ABCE1: variants seen among roughly 807,000 people sequenced by gnomAD.
ABCE1 encodes the protein ATP-binding cassette sub-family E member 1.
A neutral mutation model predicts 83.4 loss-of-function variants in ABCE1; 22 were observed. The ratio of observed to expected loss-of-function variants is 0.26; its 90% CI spans 0.19 to 0.38. ABCE1 has a LOEUF of 0.38. ABCE1 is among the 10% of genes least tolerant of loss of function. ABCE1 has a pLI of 1.00. For missense variants in ABCE1, 330 were observed against 721.9 expected, an observed-to-expected ratio of 0.46 and a Z score of 6.22; for synonymous variants, 204 against 233.7, an observed-to-expected ratio of 0.87 and a Z score of 1.16.
At chr4:145,112,209 A>G (rs373532166) in intron 8 of ABCE1, 30 bp from the exon 9 acceptor site, 10 of 1,400,978 alleles carry the variant, frequency 7.1e-6, no homozygotes, top group African/African-American at 1.6e-5. Flanking sequence ...TTTCAAACTT[A>G]TATTTGCTTT....
chr4:145,112,116 A>C (rs1473250587), intron 8 of ABCE1, 123 bp from the exon 9 acceptor site: 2 of 636,206 alleles, frequency 3.1e-6, no homozygotes, highest in African/African-American at 3.7e-5. Flanking sequence ...CTTCATTACT[A>C]TTGGAGATTT....
intron 1 of ABCE1, 139 bp from the exon 2 acceptor site, chr4:145,104,246 AT>A (rs1352919470): frequency 1.2e-5 from 5 of 416,182 alleles, no homozygotes; most frequent in Non-Finnish European, 2.1e-5. Flanking sequence ...CAATTTTTAC[AT>A]TTGTCAAAAT....
chr4:145,128,033 A>G lies in ABCE1; in HGVS notation c.*460A>G, dbSNP rs887552637. The G allele has an allele frequency of 6.5e-5, 10 of 153,534 alleles. No individual in the cohort carries two copies. The highest frequency in any genetic ancestry group is 2.4e-4 in the African/African-American group (10 of 41,478). The allele number at this position is 153,534 out of a possible 1,614,324, so 9.5% of individuals were successfully genotyped here. ...CCACTGATTGACATTTGATAAATAA[A>G]CATCAGGATTATGTTTATTGTTTGT... On this transcript the variant is annotated 3_prime_UTR_variant, in exon 18 of 18. Coordinates refer to ENST00000296577, the MANE Select transcript of ABCE1 (RefSeq NM_002940.3).
chr4:145,099,853 C>T (rs1265102573), intron 1 of ABCE1, among the ~76,000 whole-genome samples: 1 of 152,062 alleles, frequency 6.6e-6, no homozygotes. Context: ...TTTTTCCTCT[C>T]AGCTGTAAGA....
At chr4:145,121,656 G>A (rs1178988003) in intron 13 of ABCE1, 6 of 308,518 alleles carry the variant, frequency 1.9e-5, no homozygotes, top group African/African-American at 8.9e-5. Flanking sequence ...AGCAGATCAC[G>A]AGGTCAGGAG....
intron 9 of ABCE1, among the ~76,000 whole-genome samples, chr4:145,117,074 T>C (rs1235136484): frequency 6.6e-6 from 1 of 152,030 alleles, no homozygotes; most frequent in African/African-American, 2.4e-5. Flanking sequence ...TTAATTCATA[T>C]ATCAATAAAC....
intron 9 of ABCE1, among the ~76,000 whole-genome samples, chr4:145,113,621 G>T (rs940473584): frequency 3.9e-5 from 6 of 152,086 alleles, no homozygotes; most frequent in African/African-American, 1.4e-4. Flanking sequence ...CATATTATAT[G>T]GCAGCAGGAT....
intron 3 of ABCE1, among the ~76,000 whole-genome samples, chr4:145,106,750 A>G (rs946188091): frequency 6.6e-6 from 1 of 152,134 alleles, no homozygotes; most frequent in African/African-American, 2.4e-5. Flanking sequence ...GCATATAAGC[A>G]TTGTATGTAC....
intron 15 of ABCE1, 21 bp from the exon 16 acceptor site, chr4:145,123,457 T>G: frequency 6.3e-7 from 1 of 1,593,610 alleles, no homozygotes; most frequent in Non-Finnish European, 8.6e-7. Flanking sequence ...GCTATAAGAT[T>G]TCAAAATCAT....
chr4:145,122,048 A>G (rs1749761527), intron 13 of ABCE1: 2 of 152,234 alleles, frequency 1.3e-5, no homozygotes, highest in Non-Finnish European at 2.9e-5. Flanking sequence ...TCCAGCATGT[A>G]TAAAGAACTC....
chr4:145,105,783 C>T, intron 3 of ABCE1, 93 bp downstream of exon 3: 1 of 732,728 alleles, frequency 1.4e-6, no homozygotes, highest in Admixed American at 2.7e-5. Flanking sequence ...TTAAGTGAGG[C>T]AAAGTATAAA....
intron 8 of ABCE1, 48 bp downstream of exon 8, chr4:145,111,112 T>C (rs749036178): frequency 7.6e-7 from 1 of 1,308,482 alleles, no homozygotes; most frequent in African/African-American, 1.5e-5. Context: ...ATTGTAGAGT[T>C]TTCAGTTGTG....
At chr4:145,122,068 A>G (rs983186740) in intron 13 of ABCE1, 10 of 152,236 alleles carry the variant, frequency 6.6e-5, no homozygotes, top group African/African-American at 2.4e-4. Flanking sequence ...CTTATAATTA[A>G]AAATGAGCAA....
chr4:145,100,897 T>G (rs987155239), intron 1 of ABCE1, among the ~76,000 whole-genome samples: 1 of 152,170 alleles, frequency 6.6e-6, no homozygotes, highest in African/African-American at 2.4e-5. Context: ...ATGCTTGATC[T>G]CCTGTGTGCT....
intron 3 of ABCE1, among the ~76,000 whole-genome samples, 159 bp from the exon 4 acceptor site, chr4:145,107,856 T>G (rs1480921213): frequency 6.6e-6 from 1 of 152,238 alleles, no homozygotes; most frequent in East Asian, 1.9e-4. Context: ...CAAGGAACCT[T>G]TTATTTTAAG....
intron 2 of ABCE1, among the ~76,000 whole-genome samples, chr4:145,105,265 T>C (rs970039125): frequency 6.6e-6 from 1 of 152,112 alleles, no homozygotes; most frequent in African/African-American, 2.4e-5. Flanking sequence ...TATTTTGTTT[T>C]ATGAATTTAA....
intron 10 of ABCE1, among the ~76,000 whole-genome samples, chr4:145,119,677 C>T (rs987005485): frequency 6.6e-6 from 1 of 151,732 alleles, no homozygotes; most frequent in Non-Finnish European, 1.5e-5. Flanking sequence ...TGCATAAAAC[C>T]TGATGGAAAA....
chr4:145,107,114 T>G (rs1385308464), intron 3 of ABCE1, among the ~76,000 whole-genome samples: 2 of 152,306 alleles, frequency 1.3e-5, no homozygotes, highest in Non-Finnish European at 1.5e-5. Context: ...TCTTGTTCCT[T>G]GGACAGTCAT....
intron 2 of ABCE1, 57 bp downstream of exon 2, chr4:145,104,572 G>T: frequency 1.7e-6 from 2 of 1,168,376 alleles, no homozygotes; most frequent in Admixed American, 5.1e-5. Context: ...GAAATCAACT[G>T]GTTTGATAAT....
Sources: gnomAD v4.1 joint callset for allele counts (sites outside exome capture counted in the v4.1 genomes callset) on GRCh38, gnomAD v4.1.1 for gene constraint, MANE v1.5 for transcripts, NCBI Gene and HGNC (gene_info 2026-07-23, HGNC 2026-07-21) for gene names.